GLIPR1: variants seen among roughly 807,000 people sequenced by gnomAD.
The protein encoded by GLIPR1 is GLI pathogenesis related 1.
In GLIPR1, 38 loss-of-function variants were observed where a neutral mutation model predicts 30.3. The ratio of observed to expected loss-of-function variants is 1.26; its 90% CI spans 0.97 to 1.65. GLIPR1 has a LOEUF of 1.65. Ranked by LOEUF, GLIPR1 falls within the 40% of genes most tolerant of loss-of-function variation. GLIPR1 has a pLI of 0.00. For synonymous variants in GLIPR1, 122 were observed against 110.6 expected (o/e 1.10, Z -0.65); for missense variants, 285 against 326.5 (o/e 0.87, Z 0.98).
At chr12:75,486,984 T>C (rs187005945) in intron 2 of GLIPR1, among the ~76,000 whole-genome samples, 1 of 152,228 alleles carries the variant, frequency 6.6e-6, no homozygotes, top group African/African-American at 2.4e-5. Flanking sequence ...AACCTGACTT[T>C]TAAAAAAAGA....
At chr12:75,497,904 A>ATAAC (rs1491421879) in intron 4 of GLIPR1, 1 of 149,802 alleles carries the variant, frequency 6.7e-6, no homozygotes, top group Non-Finnish European at 1.5e-5. Flanking sequence ...ATAAAAAAAA[A>ATAAC]TAACTAGAAC....
chr12:75,497,580 T>C (rs2046358967), intron 4 of GLIPR1: 1 of 152,224 alleles, frequency 6.6e-6, no homozygotes, highest in Admixed American at 6.5e-5. Context: ...GTAAGATTTG[T>C]GACTAAAAAA....
At position 75,495,615 on chromosome 12, in the gene GLIPR1, C is replaced by G; in HGVS notation, c.572C>G (p.Thr191Ser). The part of the protein sequence containing the change: ...YPTWPYKRGA[T>S]CSACPNNDKC... ...ACTTGGCCATATAAGAGAGGAGCCA[C>G]CTGCAGTGCCTGCCCCAATAATGAC... The change falls in exon 4 of 6, where the codon ACC becomes AGC. Residue 191 changes from threonine to serine, a missense_variant. Coordinates refer to ENST00000266659, the MANE Select transcript of GLIPR1 (RefSeq NM_006851.3). 6.2e-7 allele frequency: 1 copy of G among 1,611,532 alleles called. No homozygotes were observed. Among genetic ancestry groups the G allele is most frequent in the Non-Finnish European group, 8.5e-7 (1 of 1,177,744 alleles).
chr12:75,481,424 A>G (rs1222275177), intron 1 of GLIPR1: 2 of 211,410 alleles, frequency 9.5e-6, no homozygotes, highest in East Asian at 1.1e-4. Context: ...TGAGTTGCTC[A>G]GGTAGGCAGA....
rs2046383179 is a variant in GLIPR1 at position 75,500,321 on chromosome 12, T to TCATTATTTTCCATCTTGCA, written c.*1349_*1367dup. 1 of 154,868 alleles carries TCATTATTTTCCATCTTGCA rather than the reference T, an allele frequency of 6.5e-6. No homozygotes were observed. The highest frequency in any genetic ancestry group is 1.4e-5 in the Non-Finnish European group (1 of 70,100). 9.6% of individuals were successfully genotyped at this position (154,868 alleles called of 1,614,324 possible). A position where few individuals can be genotyped will look rare whatever the true frequency, so the allele number is the denominator to read the frequency against. ...TTTTCCATATTTTGGAACTTCTGAG[T>TCATTATTTTCCATCTTGCA]CATTATTTTCCATCTTGCACATTAA... On this transcript the variant is annotated 3_prime_UTR_variant, in exon 6 of 6. Coordinates refer to ENST00000266659, the MANE Select transcript of GLIPR1 (RefSeq NM_006851.3).
At chr12:75,481,242 C>T (rs2046268924) in intron 1 of GLIPR1, 188 bp downstream of exon 1, 2 of 432,062 alleles carry the variant, frequency 4.6e-6, no homozygotes, top group Non-Finnish European at 4.1e-6. Context: ...TTGTTATAAG[C>T]AAGTGCCACA....
At chr12:75,486,986 A>T (rs1177164278) in intron 2 of GLIPR1, among the ~76,000 whole-genome samples, 4 of 152,300 alleles carry the variant, frequency 2.6e-5, no homozygotes, top group East Asian at 3.9e-4. Context: ...CCTGACTTTT[A>T]AAAAAAGAGG....
chr12:75,498,758 A>G, intron 5 of GLIPR1, 38 bp downstream of exon 5: 1 of 1,608,212 alleles, frequency 6.2e-7, no homozygotes, highest in Non-Finnish European at 8.5e-7. Flanking sequence ...ATTAAGAGCT[A>G]TGTGAATTCT....
chr12:75,495,889 C>A (rs558301325), intron 4 of GLIPR1: 251 of 312,542 alleles, frequency 8.0e-4, no homozygotes, highest in Middle Eastern at 1.9e-3. Flanking sequence ...ACAACAACAA[C>A]AAAAAAAACT....
rs2046410012 is a variant in GLIPR1 at position 75,503,808 on chromosome 12, T to C, written c.*4830T>C. 5.6e-6 allele frequency: 6 copies of C among 1,065,814 alleles called. No homozygotes were observed. The highest frequency in any genetic ancestry group is 1.6e-5 in the South Asian group (1 of 62,310). 66.0% of individuals were successfully genotyped at this position (1,065,814 alleles called of 1,614,324 possible). ...CACACACACACACAATATATATATA[T>C]ACACATATCCCACCTGAAATACTTT... On this transcript the variant is annotated 3_prime_UTR_variant, in exon 6 of 6. Coordinates refer to ENST00000266659, the MANE Select transcript of GLIPR1 (RefSeq NM_006851.3).
At chr12:75,486,253 G>A (rs1178131106) in intron 2 of GLIPR1, among the ~76,000 whole-genome samples, 1 of 152,064 alleles carries the variant, frequency 6.6e-6, no homozygotes, top group African/African-American at 2.4e-5. Context: ...AAAATGAGTA[G>A]CGCTTATAAT....
chr12:75,499,861 T>G lies in GLIPR1; in HGVS notation c.*883T>G. On this transcript the variant is annotated 3_prime_UTR_variant, in exon 6 of 6. Transcript: ENST00000266659. ...ATCTGCCTCCATCTTAAGTGCAATT[T>G]CTTCAGCTGTAAGAGCTCCCAGTTT... 5 of 1,609,114 alleles carry G rather than the reference T, an allele frequency of 3.1e-6. No homozygotes were observed. The East Asian group carries it at 1.1e-4, about 36-fold the overall frequency.
rs1407497492 is a variant in GLIPR1, at chr12:75,503,813, A to C, written c.*4835A>C. The C allele has an allele frequency of 4.4e-6, 5 of 1,128,874 alleles. No homozygotes were observed. Among genetic ancestry groups the C allele is most frequent in the Middle Eastern group, 3.1e-4 (1 of 3,262 alleles). 69.9% of individuals were successfully genotyped at this position (1,128,874 alleles called of 1,614,324 possible). A position where few individuals can be genotyped will look rare whatever the true frequency, so the allele number is the denominator to read the frequency against. On this transcript the variant is annotated 3_prime_UTR_variant, in exon 6 of 6. Transcript: ENST00000266659. ...ACACACACAATATATATATATACAC[A>C]TATCCCACCTGAAATACTTTCAATA...
At position 75,480,914 on chromosome 12, in the gene GLIPR1, G is replaced by T. The variant is rs769700839; in HGVS notation, c.34G>T (p.Val12Phe). 3.8e-5 allele frequency: 62 copies of T among 1,613,562 alleles called. No individual in the cohort carries two copies. Among genetic ancestry groups the T allele is most frequent in the African/African-American group, 1.3e-4 (10 of 74,886 alleles). The change falls in exon 1 of 6, where the codon GTT becomes TTT. Residue 12 changes from valine (V) to phenylalanine (F), a missense_variant. By Grantham distance (50) the Val-to-Phe change is conservative (BLOSUM62 -1). Transcript: ENST00000266659. ...CACACTTGCTACAATAGCCTGGATG[G>T]TTTCTTTTGTCTCCAATTATTCACA... The part of the protein sequence containing the change: ...RVTLATIAWM[V>F]SFVSNYSHTA...
rs1594067964 is a variant in GLIPR1, at chr12:75,503,623, G to A, written c.*4645G>A. ...CCAAATCAGAGAAAAGAGTATTGCA[G>A]ACTAAACGAACTTTTATCCATGGAA... On this transcript the variant is annotated 3_prime_UTR_variant, in exon 6 of 6. Coordinates refer to ENST00000266659, the MANE Select transcript of GLIPR1 (RefSeq NM_006851.3). 2 of 242,940 alleles carry A rather than the reference G, an allele frequency of 8.2e-6. No individual in the cohort carries two copies. Among genetic ancestry groups the A allele is most frequent in the South Asian group, 1.6e-4 (1 of 6,238 alleles). 15.0% of individuals were successfully genotyped at this position (242,940 alleles called of 1,614,324 possible). A position where few individuals can be genotyped will look rare whatever the true frequency, so the allele number is the denominator to read the frequency against.
At chr12:75,487,937 TAAAC>T (rs2046301248) in intron 2 of GLIPR1, 1 of 325,594 alleles carries the variant, frequency 3.1e-6, no homozygotes, top group South Asian at 2.4e-5. Flanking sequence ...GATGATATGT[TAAAC>T]AAGGGGCAGA....
At position 75,499,968 on chromosome 12, in the gene GLIPR1, C is replaced by A; in HGVS notation, c.*990C>A. On this transcript the variant is annotated 3_prime_UTR_variant, in exon 6 of 6. Coordinates refer to ENST00000266659, the MANE Select transcript of GLIPR1 (RefSeq NM_006851.3). ...CAGTAGAAGCTAGACAAATTAAAAGCACAACACATGTAATACTTTAGATTT... is the reference window on the plus strand; with the variant it reads ...CAGTAGAAGCTAGACAAATTAAAAGAACAACACATGTAATACTTTAGATTT... The A allele has an allele frequency of 6.3e-7, 1 of 1,576,652 alleles. No individual in the cohort carries two copies. The highest frequency in any genetic ancestry group is 2.3e-5 in the East Asian group (1 of 42,622).
intron 3 of GLIPR1, chr12:75,494,396 T>C (rs1320189861): frequency 1.3e-5 from 2 of 152,338 alleles, no homozygotes; most frequent in Non-Finnish European, 1.5e-5. Flanking sequence ...AGTATCATCT[T>C]TGTAAATATC....
chr12:75,499,756 T>A lies in GLIPR1; in HGVS notation c.*778T>A. 1.4e-6 allele frequency: 2 copies of A among 1,407,882 alleles called. No homozygotes were observed. The highest frequency in any genetic ancestry group is 1.9e-6 in the Non-Finnish European group (2 of 1,052,840). 87.2% of individuals were successfully genotyped at this position (1,407,882 alleles called of 1,614,324 possible). On this transcript the variant is annotated 3_prime_UTR_variant, in exon 6 of 6. Coordinates refer to ENST00000266659, the MANE Select transcript of GLIPR1 (RefSeq NM_006851.3). ...CAAATAAGGCAACTAATGCCTGATA[T>A]CTCAAAATCCTTTACAAAAGGAGAT... is the stretch of plus-strand genomic sequence containing the variant.
Sources: allele counts gnomAD v4.1 joint callset (sites outside exome capture counted in the v4.1 genomes callset), GRCh38; gene constraint gnomAD v4.1.1; transcripts MANE v1.5; gene names NCBI Gene and HGNC (gene_info 2026-07-23, HGNC 2026-07-21).